CAPZB: variants seen among roughly 807,000 people sequenced by gnomAD.
CAPZB encodes F-actin-capping protein subunit beta.
A neutral mutation model predicts 38.1 loss-of-function variants in CAPZB; 2 were observed. The observed-to-expected ratio is 0.05, with a 90% CI of 0.02 to 0.17. CAPZB has a LOEUF of 0.17. Among genes scored for constraint, CAPZB ranks in the 10% least tolerant of loss-of-function variants. The pLI is 1.00. For synonymous variants in CAPZB, 107 were observed against 127.4 expected (o/e 0.84, Z 1.08); for missense variants, 161 against 334.2 (o/e 0.48, Z 4.04).
intron 1 of CAPZB, among the ~76,000 whole-genome samples, chr1:19,449,796 AAAAAG>A (rs1173167727): frequency 1.3e-5 from 2 of 151,560 alleles, no homozygotes; most frequent in Admixed American, 6.6e-5. Flanking sequence ...AAAAAAAAAA[AAAAAG>A]AGAGAGACAG....
At chr1:19,341,940 A>G (rs2093931619) in intron 8 of CAPZB, among the ~76,000 whole-genome samples, 1 of 152,200 alleles carries the variant, frequency 6.6e-6, no homozygotes. Context: ...TGGGCTCTGC[A>G]GCCCCAGTTG....
In CAPZB at chr1:19,392,740, G is replaced by A. The variant is rs58142299; in HGVS notation, c.94-7114C>T. 2.2e-3 allele frequency among the ~76,000 whole-genome samples: 329 copies of A among 152,254 alleles called. 2 individuals carry two copies. The highest frequency in any genetic ancestry group is 7.6e-3 in the African/African-American group (314 of 41,546). ...CGGGAAGTCGAGGCTGCAGTGAGCC[G>A]TGTTTGCACCACAGTACTCCAGCCT... On this transcript the variant is annotated intron_variant, in intron 2 of 8. Transcript: ENST00000264202.
chr1:19,452,912 ACCTG>A (rs1230784780), intron 1 of CAPZB, among the ~76,000 whole-genome samples: 11 of 146,352 alleles, frequency 7.5e-5, no homozygotes, highest in Non-Finnish European at 1.3e-4. Context: ...CAAGCGATTC[ACCTG>A]CCTCAGTCTC....
intron 1 of CAPZB, among the ~76,000 whole-genome samples, chr1:19,435,937 T>A (rs1433910494): frequency 2.0e-5 from 3 of 152,226 alleles, no homozygotes; most frequent in Non-Finnish European, 1.5e-5. Context: ...AGCACCGCTC[T>A]CTAGTTAAGG....
chr1:19,430,268 C>T (rs2094437724), intron 1 of CAPZB, among the ~76,000 whole-genome samples: 1 of 152,178 alleles, frequency 6.6e-6, no homozygotes, highest in African/African-American at 2.4e-5. Flanking sequence ...ACACACTACA[C>T]ACAGGCTCTG....
chr1:19,458,730 TAAG>T (rs2094541132), intron 1 of CAPZB, among the ~76,000 whole-genome samples: 2 of 152,220 alleles, frequency 1.3e-5, no homozygotes, highest in African/African-American at 4.8e-5. Context: ...CTTCAATGTC[TAAG>T]GACAGATCTG....
intron 1 of CAPZB, among the ~76,000 whole-genome samples, chr1:19,481,840 A>G (rs1048830334): frequency 1.3e-5 from 2 of 152,104 alleles, no homozygotes; most frequent in Non-Finnish European, 2.9e-5. Flanking sequence ...TACACTGAAC[A>G]AGGCTCTTTC....
chr1:19,484,343 G>A, intron 1 of CAPZB: 3 of 1,568,142 alleles, frequency 1.9e-6, no homozygotes, highest in Non-Finnish European at 2.6e-6. Context: ...CCTCACAAGG[G>A]CGATTGTGCG....
rs575076567 is a variant in CAPZB, at chr1:19,357,777, A to C, written c.330-214T>G. ...GTAGGTTTAGGCGTCATAAAGATGA[A>C]TCTGAGGTTGGACTCTGCCACCTCC... On this transcript the variant is annotated intron_variant, in intron 4 of 8. Coordinates refer to ENST00000264202, the MANE Select transcript of CAPZB (RefSeq NM_004930.5). This position sits in a 1 kb window ranked among gnomAD's most constrained non-coding sequence, Gnocchi z 4.3. 6.6e-6 allele frequency among the ~76,000 whole-genome samples: 1 copy of C among 152,088 alleles called. No individual in the cohort carries two copies. The highest frequency in any genetic ancestry group is 2.1e-4 in the South Asian group (1 of 4,814).
chr1:19,361,597 GCATT>G (rs2094053276), intron 4 of CAPZB, among the ~76,000 whole-genome samples: 1 of 152,244 alleles, frequency 6.6e-6, no homozygotes, highest in Non-Finnish European at 1.5e-5. Context: ...TGCGCGTGAA[GCATT>G]AATTAAAGGG....
intron 7 of CAPZB, among the ~76,000 whole-genome samples, chr1:19,344,664 G>C (rs943676336): frequency 6.6e-6 from 1 of 152,214 alleles, no homozygotes; most frequent in Non-Finnish European, 1.5e-5. Flanking sequence ...CAGTACCCAG[G>C]GATTGGCGGC....
At chr1:19,371,503 G>A (rs1006592730) in intron 4 of CAPZB, among the ~76,000 whole-genome samples, 4 of 152,234 alleles carry the variant, frequency 2.6e-5, no homozygotes, top group Non-Finnish European at 2.9e-5. Flanking sequence ...CGGAGGCTCA[G>A]AGAGGTTAAC....
intron 2 of CAPZB, among the ~76,000 whole-genome samples, chr1:19,402,756 C>T (rs1304941824): frequency 6.6e-6 from 1 of 152,188 alleles, no homozygotes; most frequent in East Asian, 1.9e-4. Context: ...CATCAGAAGC[C>T]TTGCATTCTG....
intron 4 of CAPZB, among the ~76,000 whole-genome samples, chr1:19,361,614 A>T (rs1346662663): frequency 6.6e-6 from 1 of 152,200 alleles, no homozygotes; most frequent in Non-Finnish European, 1.5e-5. Context: ...TTAAAGGGGG[A>T]CCACAACACG....
intron 1 of CAPZB, among the ~76,000 whole-genome samples, chr1:19,440,276 G>A (rs923123778): frequency 2.0e-5 from 3 of 152,140 alleles, no homozygotes; most frequent in South Asian, 2.1e-4. Flanking sequence ...GGGCTCAAGC[G>A]ATCCACCTGT....
intron 1 of CAPZB, among the ~76,000 whole-genome samples, chr1:19,478,700 T>C (rs946827520): frequency 3.3e-5 from 5 of 151,034 alleles, no homozygotes; most frequent in African/African-American, 1.2e-4. Context: ...CTTCCTCCAT[T>C]TAACCTTAAG....
At chr1:19,451,434 C>T (rs1335440042) in intron 1 of CAPZB, among the ~76,000 whole-genome samples, 2 of 152,124 alleles carry the variant, frequency 1.3e-5, no homozygotes, top group African/African-American at 4.8e-5. Context: ...ATATGATGTG[C>T]TCTTTATTCC....
In CAPZB at chr1:19,357,796, C is replaced by T. The variant is rs889138978; in HGVS notation, c.330-233G>A. On this transcript the variant is annotated intron_variant, in intron 4 of 8. Transcript: ENST00000264202. This position sits in a 1 kb window ranked among gnomAD's most constrained non-coding sequence, Gnocchi z 4.3. ...AGATGAATCTGAGGTTGGACTCTGC[C>T]ACCTCCTCTATCTGTGTGGTCTTTG... Among the ~76,000 whole-genome samples, 1 of 152,102 alleles carries T rather than the reference C, an allele frequency of 6.6e-6. No homozygotes were observed. Among genetic ancestry groups the T allele is most frequent in the Non-Finnish European group, 1.5e-5 (1 of 68,006 alleles).
At chr1:19,367,907 C>G (rs896810698) in intron 4 of CAPZB, among the ~76,000 whole-genome samples, 3 of 152,186 alleles carry the variant, frequency 2.0e-5, no homozygotes, top group Non-Finnish European at 4.4e-5. Context: ...TCTGGCCAAA[C>G]TGTCCACACT....
Sources: gnomAD v4.1 joint callset for allele counts (sites outside exome capture counted in the v4.1 genomes callset) on GRCh38, gnomAD v4.1.1 for gene constraint, Gnocchi (gnomAD v3.1) non-coding constraint, MANE v1.5 for transcripts, NCBI Gene and HGNC (gene_info 2026-07-23, HGNC 2026-07-21) for gene names.